GLIS3: variants seen among roughly 807,000 people sequenced by gnomAD.
GLIS3 encodes the protein zinc finger protein GLIS3.
A neutral mutation model predicts 78.6 loss-of-function variants in GLIS3; 53 were observed. The observed-to-expected ratio is 0.67, with a 90% CI of 0.54 to 0.85. The LOEUF (loss-of-function observed/expected upper bound fraction) is 0.85. Ranked by LOEUF, GLIS3 falls within the 40% of genes least tolerant of loss-of-function variation. The pLI is 0.00. For missense variants in GLIS3, 1,703 were observed against 1,231.1 expected (o/e 1.38, Z -5.74); for synonymous variants, 684 against 509.9 (o/e 1.34, Z -4.60).
chr9:4,382,888 T>A, the GLIS3 span, among the ~76,000 whole-genome samples: 1 of 152,218 alleles, frequency 6.6e-6, no homozygotes, highest in Admixed American at 6.5e-5. Flanking sequence ...GACCAGCTGG[T>A]GTCACTACTG....
At chr9:3,959,069 T>G (rs1347327865) in intron 4 of GLIS3, among the ~76,000 whole-genome samples, 2 of 152,228 alleles carry the variant, frequency 1.3e-5, no homozygotes, top group East Asian at 3.8e-4. Context: ...TCTGAATGTT[T>G]GTATCCCTGC....
chr9:4,031,761 G>T (rs375499531), intron 4 of GLIS3, among the ~76,000 whole-genome samples: 8 of 152,252 alleles, frequency 5.3e-5, no homozygotes, highest in African/African-American at 1.9e-4. Flanking sequence ...AGGTGATGAT[G>T]GAACAGTCAA....
chr9:4,064,461 T>C (rs1826925681), intron 4 of GLIS3, among the ~76,000 whole-genome samples: 1 of 152,200 alleles, frequency 6.6e-6, no homozygotes, highest in African/African-American at 2.4e-5. Flanking sequence ...AAGATTTTCA[T>C]TGTCTTATTT....
chr9:4,129,041 T>A (rs1480464487), intron 2 of GLIS3, among the ~76,000 whole-genome samples: 2 of 152,200 alleles, frequency 1.3e-5, no homozygotes, highest in African/African-American at 4.8e-5. Context: ...GGTACAACTA[T>A]GAGGATGTTC....
At chr9:4,271,987 T>C (rs921052432) in intron 2 of GLIS3, among the ~76,000 whole-genome samples, 1 of 152,196 alleles carries the variant, frequency 6.6e-6, no homozygotes, top group Non-Finnish European at 1.5e-5. Flanking sequence ...AATTCTCATT[T>C]GTGAGAATTA....
intron 2 of GLIS3, among the ~76,000 whole-genome samples, chr9:4,343,268 G>A (rs1350807321): frequency 6.6e-6 from 1 of 152,182 alleles, no homozygotes; most frequent in Non-Finnish European, 1.5e-5. Flanking sequence ...CTTGAGCCCA[G>A]GAGTTCGAGG....
At chr9:4,162,588 G>GTA in intron 2 of GLIS3, among the ~76,000 whole-genome samples, 2 of 152,060 alleles carry the variant, frequency 1.3e-5, no homozygotes, top group Non-Finnish European at 2.9e-5. Flanking sequence ...GGCCGGGTGC[G>GTA]GTGGCTCACG....
intron 2 of GLIS3, among the ~76,000 whole-genome samples, chr9:4,332,710 G>C (rs1471198156): frequency 2.0e-5 from 3 of 152,200 alleles, no homozygotes; most frequent in Admixed American, 6.5e-5. Flanking sequence ...AGCTATTGTA[G>C]CTAATAGGCG....
At chr9:4,480,835 GAA>G in the GLIS3 span, among the ~76,000 whole-genome samples, 25 of 131,618 alleles carry the variant, frequency 1.9e-4, no homozygotes, top group African/African-American at 6.0e-4. Context: ...CACCTTCATT[GAA>G]AAAAAAAAAA....
intron 4 of GLIS3, among the ~76,000 whole-genome samples, chr9:3,999,998 C>T (rs1335802523): frequency 6.6e-6 from 1 of 152,088 alleles, no homozygotes; most frequent in Admixed American, 6.6e-5. Context: ...GGGAAACTCT[C>T]GTACATATGC....
At chr9:3,939,056 C>T (rs980499402) in intron 4 of GLIS3, among the ~76,000 whole-genome samples, 1 of 152,184 alleles carries the variant, frequency 6.6e-6, no homozygotes, top group Non-Finnish European at 1.5e-5. Context: ...TGGTTTTAGA[C>T]ACGCCAAGAC....
chr9:4,094,808 T>C (rs1054944575), intron 4 of GLIS3, among the ~76,000 whole-genome samples: 1 of 152,220 alleles, frequency 6.6e-6, no homozygotes, highest in Non-Finnish European at 1.5e-5. Context: ...TTGAAGTTAT[T>C]TGGCTCACAA....
intron 4 of GLIS3, among the ~76,000 whole-genome samples, chr9:4,064,001 C>G (rs1488032811): frequency 6.6e-6 from 1 of 151,918 alleles, no homozygotes; most frequent in African/African-American, 2.4e-5. Flanking sequence ...AAATATATTT[C>G]AAAGACTTTT....
chr9:4,172,545 G>A (rs541330345), intron 2 of GLIS3, among the ~76,000 whole-genome samples: 3 of 152,098 alleles, frequency 2.0e-5, no homozygotes, highest in African/African-American at 7.2e-5. Flanking sequence ...ACTAACTATA[G>A]ACAGTTATCT....
chr9:4,071,896 T>G (rs1402107299), intron 4 of GLIS3: 1 of 152,126 alleles, frequency 6.6e-6, no homozygotes, highest in Admixed American at 6.6e-5. Context: ...TCCATAACAA[T>G]GCAAAAGATA....
At position 3,942,822 on chromosome 9, in the gene GLIS3, T is replaced by A. The variant is rs184919817; in HGVS notation, c.1711-5633A>T. Among the ~76,000 whole-genome samples, 3 of 152,254 alleles carry A rather than the reference T, an allele frequency of 2.0e-5. No individual in the cohort carries two copies. The East Asian group carries it at 5.8e-4, about 29-fold the overall frequency. ...ACTTTGAGCAGCAACATTCTAGGGA[T>A]CATTAGGTCACCTTAATCTTGAAAA... On this transcript the variant is annotated intron_variant, in intron 4 of 10. Transcript: ENST00000381971.
intron 6 of GLIS3, 97 bp from the exon 7 acceptor site, chr9:3,898,932 A>G (rs1823078131): frequency 1.3e-6 from 2 of 1,532,072 alleles, no homozygotes; most frequent in Non-Finnish European, 1.8e-6. Flanking sequence ...AACTCAGCCC[A>G]CAAAAATTTA....
At chr9:4,239,180 G>A (rs1158425459) in intron 2 of GLIS3, among the ~76,000 whole-genome samples, 1 of 96,032 alleles carries the variant, frequency 1.0e-5, no homozygotes, top group Non-Finnish European at 1.9e-5. Flanking sequence ...GGTGGGGGGA[G>A]GGGGGAGGGA....
At chr9:4,360,818 G>A in the GLIS3 span, among the ~76,000 whole-genome samples, 3 of 152,200 alleles carry the variant, frequency 2.0e-5, no homozygotes, top group South Asian at 4.1e-4. Flanking sequence ...GTTCACTTGG[G>A]AGCAGGCATT....
Sources: gnomAD v4.1 joint callset for allele counts (sites outside exome capture counted in the v4.1 genomes callset) on GRCh38, gnomAD v4.1.1 for gene constraint, MANE v1.5 for transcripts, NCBI Gene and HGNC (gene_info 2026-07-23, HGNC 2026-07-21) for gene names.